The following TASP1 variants were observed in gnomAD, a reference collection of about 807,000 sequenced individuals.
TASP1 encodes the protein taspase 1, also known as threonine aspartase 1.
TASP1 carries 16 observed loss-of-function variants against 56.6 expected under a neutral mutation model. That is an observed-to-expected ratio of 0.28 (90% CI 0.19 to 0.43). TASP1 has a LOEUF of 0.43. Among genes scored for constraint, TASP1 ranks in the 20% least tolerant of loss-of-function variants. The pLI, the probability that TASP1 is intolerant of heterozygous loss-of-function variation, is 1.00. For synonymous variants in TASP1, 179 were observed against 184.2 expected (o/e 0.97, Z 0.23); for missense variants, 393 against 511.6 (o/e 0.77, Z 2.24).
intron 13 of TASP1, among the ~76,000 whole-genome samples, chr20:13,409,373 C>T (rs914450278): frequency 7.9e-5 from 12 of 151,918 alleles, no homozygotes; most frequent in African/African-American, 2.7e-4. Flanking sequence ...ACAGATTTGT[C>T]TATTACTCCT....
intron 13 of TASP1, chr20:13,393,159 G>A (rs927190169): frequency 1.0e-5 from 7 of 671,034 alleles, no homozygotes; most frequent in Non-Finnish European, 1.1e-5. Flanking sequence ...CCTGGCCAAA[G>A]CCATCTATGA....
chr20:13,178,370 G>C, the TASP1 span, among the ~76,000 whole-genome samples: 1 of 152,004 alleles, frequency 6.6e-6, no homozygotes, highest in East Asian at 1.9e-4. Flanking sequence ...ACCTCAAATA[G>C]AACTAACATA....
At chr20:13,201,966 G>A in the TASP1 span, among the ~76,000 whole-genome samples, 3 of 152,172 alleles carry the variant, frequency 2.0e-5, no homozygotes, top group East Asian at 1.9e-4. Context: ...TGCTGGCCAG[G>A]CTGGTCTCGA....
chr20:13,364,428 G>C, the TASP1 span, among the ~76,000 whole-genome samples: 1 of 152,180 alleles, frequency 6.6e-6, no homozygotes, highest in Non-Finnish European at 1.5e-5. Flanking sequence ...AGGGAAGGAA[G>C]GGTATGGAGA....
chr20:13,192,049 G>A, the TASP1 span, among the ~76,000 whole-genome samples: 3 of 152,148 alleles, frequency 2.0e-5, no homozygotes, highest in Non-Finnish European at 4.4e-5. Context: ...GAAGTAAAAT[G>A]TCTGAAGTGT....
the TASP1 span, among the ~76,000 whole-genome samples, chr20:13,378,471 G>T: frequency 6.6e-6 from 1 of 152,178 alleles, no homozygotes; most frequent in Non-Finnish European, 1.5e-5. Context: ...TTTTGCATTT[G>T]CTGAGGAGTG....
the TASP1 span, among the ~76,000 whole-genome samples, chr20:13,304,882 A>C: frequency 6.6e-6 from 1 of 151,886 alleles, no homozygotes; most frequent in African/African-American, 2.4e-5. Flanking sequence ...TCTCTTCCCC[A>C]CTTCCCTACT....
chr20:13,309,808 T>A, the TASP1 span, among the ~76,000 whole-genome samples: 1 of 151,194 alleles, frequency 6.6e-6, no homozygotes, highest in African/African-American at 2.4e-5. Context: ...AAAAAAACTA[T>A]CCAAAAAAGA....
chr20:13,209,559 A>G, the TASP1 span, among the ~76,000 whole-genome samples: 1 of 152,238 alleles, frequency 6.6e-6, no homozygotes, highest in Non-Finnish European at 1.5e-5. Context: ...GATTCAATAT[A>G]TTCAGTGCTA....
chr20:13,151,424 A>G, the TASP1 span, among the ~76,000 whole-genome samples: 1 of 152,214 alleles, frequency 6.6e-6, no homozygotes, highest in Non-Finnish European at 1.5e-5. Flanking sequence ...TGGTCAGGAT[A>G]GAGGGGCTGA....
At chr20:13,220,486 C>T in the TASP1 span, among the ~76,000 whole-genome samples, 1 of 152,228 alleles carries the variant, frequency 6.6e-6, no homozygotes. Flanking sequence ...CCCCTCTGGG[C>T]GCGGCACCCC....
At chr20:13,270,637 G>C in the TASP1 span, 27 of 1,613,780 alleles carry the variant, frequency 1.7e-5, no homozygotes, top group South Asian at 2.5e-4. Context: ...CAAGAGACGG[G>C]GCACCCTTCA....
the TASP1 span, among the ~76,000 whole-genome samples, chr20:13,157,429 C>T: frequency 1.3e-5 from 2 of 151,914 alleles, no homozygotes; most frequent in African/African-American, 2.4e-5. Context: ...AAGAGTGAAA[C>T]TCCATGTCAA....
intron 11 of TASP1, among the ~76,000 whole-genome samples, chr20:13,480,530 A>G (rs2043102199): frequency 6.6e-6 from 1 of 152,178 alleles, no homozygotes; most frequent in Non-Finnish European, 1.5e-5. Flanking sequence ...AATTTCTAAG[A>G]TGGGGCTCAA....
intron 12 of TASP1, among the ~76,000 whole-genome samples, chr20:13,425,203 A>G (rs998199568): frequency 6.6e-6 from 1 of 152,152 alleles, no homozygotes; most frequent in Non-Finnish European, 1.5e-5. Flanking sequence ...TTAATCCCCA[A>G]TGCAAGGCTT....
the TASP1 span, among the ~76,000 whole-genome samples, chr20:13,316,871 G>A: frequency 2.0e-5 from 3 of 151,782 alleles, no homozygotes; most frequent in Non-Finnish European, 4.4e-5. Flanking sequence ...CTAAGATTAG[G>A]TACAAAGCAA....
the TASP1 span, among the ~76,000 whole-genome samples, chr20:13,248,187 G>A: frequency 6.6e-6 from 1 of 152,294 alleles, no homozygotes; most frequent in East Asian, 1.9e-4. Flanking sequence ...CAAATTGTCA[G>A]ATATTCTTAT....
intron 10 of TASP1, among the ~76,000 whole-genome samples, chr20:13,508,047 C>T (rs2044193807): frequency 6.6e-6 from 1 of 152,016 alleles, no homozygotes; most frequent in African/African-American, 2.4e-5. Context: ...AAATTGGATC[C>T]TTATACCATA....
intron 11 of TASP1, among the ~76,000 whole-genome samples, chr20:13,482,997 T>C (rs368860842): frequency 6.6e-6 from 1 of 152,164 alleles, no homozygotes; most frequent in Non-Finnish European, 1.5e-5. Flanking sequence ...TATGAGAGCC[T>C]TGTCAGTGTC....
Sources: gnomAD v4.1 joint callset for allele counts (sites outside exome capture counted in the v4.1 genomes callset) on GRCh38, gnomAD v4.1.1 for gene constraint, MANE v1.5 for transcripts, NCBI Gene and HGNC (gene_info 2026-07-23, HGNC 2026-07-21) for gene names.